NRG1: variants seen among roughly 807,000 people sequenced by gnomAD.
The protein encoded by NRG1 is pro-neuregulin-1, membrane-bound isoform.
In NRG1, 18 loss-of-function variants were observed where a neutral mutation model predicts 63.8. The observed-to-expected ratio is 0.28, with a 90% CI of 0.19 to 0.42. The LOEUF is 0.42. Among genes scored for constraint, NRG1 ranks in the 10% least tolerant of loss-of-function variants. NRG1 has a pLI of 1.00. For missense variants in NRG1, 762 were observed against 814.7 expected (o/e 0.94, Z 0.79); for synonymous variants, 302 against 301.3 (o/e 1.00, Z -0.02).
At chr8:31,711,716 C>T (rs755942769) in intron 1 of NRG1, among the ~76,000 whole-genome samples, 18 of 152,178 alleles carry the variant, frequency 1.2e-4, no homozygotes, top group Non-Finnish European at 2.1e-4. Flanking sequence ...GGCTTATGAA[C>T]AACAGAAATT....
At chr8:32,274,199 C>T (rs188182162) in intron 1 of NRG1, among the ~76,000 whole-genome samples, 240 of 152,294 alleles carry the variant, frequency 1.6e-3, no homozygotes, top group Non-Finnish European at 2.5e-3. Flanking sequence ...CTTGCTGAAT[C>T]CTACACCCTG....
intron 1 of NRG1, among the ~76,000 whole-genome samples, chr8:31,762,769 A>C (rs1035417535): frequency 5.3e-5 from 8 of 152,224 alleles, no homozygotes; most frequent in African/African-American, 1.9e-4. Context: ...TAAATATTTA[A>C]GAAAAAAAGA....
At chr8:32,666,198 T>A (rs1466929893) in intron 5 of NRG1, among the ~76,000 whole-genome samples, 1 of 152,226 alleles carries the variant, frequency 6.6e-6, no homozygotes, top group Non-Finnish European at 1.5e-5. Context: ...CTTCTTTAAG[T>A]ATAGTGAATA....
intron 2 of NRG1, 62 bp from the exon 3 acceptor site, chr8:32,605,500 G>A (rs1845113091): frequency 6.3e-7 from 1 of 1,586,404 alleles, no homozygotes; most frequent in African/African-American, 1.3e-5. Flanking sequence ...AGAAAAGTAT[G>A]TATTTATATT....
chr8:32,443,400 A>T (rs1040438553), intron 1 of NRG1, among the ~76,000 whole-genome samples: 1 of 152,336 alleles, frequency 6.6e-6, no homozygotes, highest in South Asian at 2.1e-4. Context: ...GCAAAGGACT[A>T]GAAGCATAAG....
intron 1 of NRG1, among the ~76,000 whole-genome samples, chr8:31,895,472 GA>G (rs1368818086): frequency 6.6e-6 from 1 of 152,248 alleles, no homozygotes; most frequent in Admixed American, 6.5e-5. Context: ...CTTTGCATCT[GA>G]AATTGGAAAC....
chr8:32,249,436 GCTGTTCTGTT>G (rs1848884492), intron 1 of NRG1, among the ~76,000 whole-genome samples: 2 of 152,098 alleles, frequency 1.3e-5, no homozygotes, highest in Admixed American at 6.6e-5. Context: ...ATATCAAAGA[GCTGTTCTGTT>G]CTCATGATTC....
At chr8:32,685,712 C>T (rs10503927) in intron 5 of NRG1, among the ~76,000 whole-genome samples, 76,778 of 151,970 alleles carry the variant, frequency 0.51, 19,483 homozygotes, top group Middle Eastern at 0.56. Context: ...TAGCTGATGA[C>T]GCATAAGAGT....
intron 1 of NRG1, among the ~76,000 whole-genome samples, chr8:32,298,761 G>C (rs1226315254): frequency 6.7e-6 from 1 of 149,642 alleles, no homozygotes; most frequent in Non-Finnish European, 1.5e-5. Flanking sequence ...GGGTGCGGGG[G>C]CTCACGCCTG....
intron 5 of NRG1, among the ~76,000 whole-genome samples, chr8:32,697,591 T>C (rs1813697790): frequency 6.6e-6 from 1 of 152,182 alleles, no homozygotes; most frequent in African/African-American, 2.4e-5. Context: ...AACTCAGTGA[T>C]AAAATTCTCT....
chr8:32,295,999 C>A (rs988585385), intron 1 of NRG1, among the ~76,000 whole-genome samples: 1 of 149,052 alleles, frequency 6.7e-6, no homozygotes, highest in Non-Finnish European at 1.5e-5. Flanking sequence ...AAAAAATAAT[C>A]TCTTAGCCAT....
At chr8:31,988,182 G>A (rs1047102943) in intron 1 of NRG1, among the ~76,000 whole-genome samples, 1 of 152,054 alleles carries the variant, frequency 6.6e-6, no homozygotes, top group Non-Finnish European at 1.5e-5. Flanking sequence ...GGACAAAATG[G>A]TATTCACTGG....
At chr8:31,918,559 A>G (rs1205488749) in intron 1 of NRG1, among the ~76,000 whole-genome samples, 3 of 152,084 alleles carry the variant, frequency 2.0e-5, no homozygotes, top group Non-Finnish European at 4.4e-5. Flanking sequence ...AGCCCACTTG[A>G]TCATGGTGGA....
intron 1 of NRG1, among the ~76,000 whole-genome samples, chr8:32,206,715 C>A (rs987492215): frequency 6.6e-6 from 1 of 152,086 alleles, no homozygotes; most frequent in Admixed American, 6.5e-5. Context: ...GGTGAAGTCT[C>A]GGCTTTTTGT....
intron 1 of NRG1, among the ~76,000 whole-genome samples, chr8:31,790,874 A>G (rs980374222): frequency 3.9e-5 from 6 of 152,152 alleles, no homozygotes; most frequent in Admixed American, 6.5e-5. Flanking sequence ...AAGGATGAGC[A>G]GGTCATGATT....
chr8:32,656,015 C>T (rs958122694), intron 5 of NRG1, among the ~76,000 whole-genome samples: 6 of 151,992 alleles, frequency 3.9e-5, no homozygotes, highest in Non-Finnish European at 8.8e-5. Context: ...TGGGAATTAA[C>T]GTCTATGAGT....
intron 1 of NRG1, among the ~76,000 whole-genome samples, chr8:31,977,867 A>G (rs1321924495): frequency 6.6e-6 from 1 of 152,090 alleles, no homozygotes; most frequent in African/African-American, 2.4e-5. Flanking sequence ...TACCAAATTC[A>G]TAAGTCATTT....
chr8:31,978,605 A>G (rs766487661), intron 1 of NRG1, among the ~76,000 whole-genome samples: 30 of 152,124 alleles, frequency 2.0e-4, no homozygotes, highest in Non-Finnish European at 4.4e-4. Context: ...ACAGCTTTAA[A>G]CCCATGTGAT....
At chr8:32,036,630 T>C (rs1165311793) in intron 1 of NRG1, among the ~76,000 whole-genome samples, 1 of 152,206 alleles carries the variant, frequency 6.6e-6, no homozygotes, top group Non-Finnish European at 1.5e-5. Flanking sequence ...GTTCATTCCT[T>C]TTCATTCTTT....
Sources: gnomAD v4.1 joint callset for allele counts (sites outside exome capture counted in the v4.1 genomes callset) on GRCh38, gnomAD v4.1.1 for gene constraint, MANE v1.5 for transcripts, NCBI Gene and HGNC (gene_info 2026-07-23, HGNC 2026-07-21) for gene names.